ITGBL1: variants seen among roughly 807,000 people sequenced by gnomAD.
ITGBL1 encodes integrin beta-like protein 1.
Under a neutral mutation model 68.5 loss-of-function variants are expected in ITGBL1, and 51 were observed. The observed-to-expected ratio is 0.74, with a 90% CI of 0.59 to 0.94. The LOEUF is 0.94. Among genes scored for constraint, ITGBL1 ranks in the 40% least tolerant of loss-of-function variants. ITGBL1 has a pLI of 0.00. For synonymous variants in ITGBL1, 209 were observed against 227.3 expected, an observed-to-expected ratio of 0.92 and a Z score of 0.72; for missense variants, 649 against 647.4, an observed-to-expected ratio of 1.00 and a Z score of -0.03.
intron 7 of ITGBL1, among the ~76,000 whole-genome samples, chr13:101,681,356 C>T (rs900044844): frequency 6.6e-6 from 1 of 152,128 alleles, no homozygotes; most frequent in East Asian, 1.9e-4. Flanking sequence ...ATTTTTAACA[C>T]TAGCAGTTCA....
intron 5 of ITGBL1, among the ~76,000 whole-genome samples, chr13:101,581,312 T>A (rs542917150): frequency 6.6e-6 from 1 of 152,160 alleles, no homozygotes; most frequent in Non-Finnish European, 1.5e-5. Context: ...AACTCATTTA[T>A]CCTATTATGA....
At position 101,692,683 on chromosome 13, in the gene ITGBL1, G is replaced by A. The variant is rs749949431; in HGVS notation, c.1114G>A (p.Asp372Asn). ...TGATGATCGCCGCTGTGAAGACCTC[G>A]ATGGTGTGGTCTGTGGAGGTAGTAA... ...ECDDRRCEDL[D>N]GVVCGGHGTC... is the part of the protein sequence containing the mutation. The change falls in exon 8 of 11, where the codon GAT becomes AAT. Residue 372 changes from aspartate (D) to asparagine (N), a missense_variant. Physicochemically the swap from Asp to Asn is conservative, Grantham distance 23. Transcript: ENST00000376180. The A allele has an allele frequency of 7.6e-5, 123 of 1,611,574 alleles. No individual in the cohort carries two copies. The highest frequency in any genetic ancestry group is 1.7e-4 in the Middle Eastern group (1 of 6,050).
intron 7 of ITGBL1, among the ~76,000 whole-genome samples, chr13:101,691,103 G>A (rs1017392603): frequency 1.3e-5 from 2 of 152,120 alleles, no homozygotes; most frequent in Non-Finnish European, 2.9e-5. Flanking sequence ...GCCCACAGAC[G>A]TTGTGCCTTT....
At chr13:101,494,990 A>T (rs968861540) in intron 2 of ITGBL1, among the ~76,000 whole-genome samples, 1 of 152,170 alleles carries the variant, frequency 6.6e-6, no homozygotes, top group Non-Finnish European at 1.5e-5. Flanking sequence ...AGTGATGGGG[A>T]TTATTTCACA....
At chr13:101,523,589 A>C (rs1331856218) in intron 2 of ITGBL1, among the ~76,000 whole-genome samples, 1 of 152,212 alleles carries the variant, frequency 6.6e-6, no homozygotes, top group East Asian at 1.9e-4. Flanking sequence ...ACTTGTTATT[A>C]GAGCAGATGA....
At chr13:101,500,240 A>G (rs1434413953) in intron 2 of ITGBL1, among the ~76,000 whole-genome samples, 1 of 152,204 alleles carries the variant, frequency 6.6e-6, no homozygotes, top group African/African-American at 2.4e-5. Context: ...GTATCTCTTT[A>G]TAAATTGTTT....
intron 7 of ITGBL1, among the ~76,000 whole-genome samples, chr13:101,599,738 A>G (rs372264695): frequency 3.3e-5 from 5 of 151,916 alleles, no homozygotes; most frequent in South Asian, 2.1e-4. Flanking sequence ...TCAAAGATCA[A>G]ATAGTTGTAG....
intron 7 of ITGBL1, among the ~76,000 whole-genome samples, chr13:101,638,267 T>C (rs1247158681): frequency 1.3e-5 from 2 of 152,170 alleles, no homozygotes; most frequent in Non-Finnish European, 2.9e-5. Flanking sequence ...CTGTAATTGC[T>C]ACATAGCATG....
intron 2 of ITGBL1, among the ~76,000 whole-genome samples, chr13:101,495,645 G>A (rs2048847255): frequency 6.6e-6 from 1 of 151,706 alleles, no homozygotes; most frequent in South Asian, 2.1e-4. Flanking sequence ...ATGATTTTTG[G>A]TACACTTCCA....
downstream of ITGBL1, chr13:101,717,285 C>T (rs988335974): frequency 6.6e-6 from 1 of 152,002 alleles, no homozygotes; most frequent in African/African-American, 2.4e-5. Context: ...ACAATGTTCT[C>T]ATAATGTAAT....
intron 2 of ITGBL1, among the ~76,000 whole-genome samples, chr13:101,464,820 G>T (rs1022309915): frequency 2.0e-5 from 3 of 152,108 alleles, no homozygotes; most frequent in Non-Finnish European, 2.9e-5. Context: ...TATACACAGG[G>T]ACATACATGC....
intron 7 of ITGBL1, among the ~76,000 whole-genome samples, chr13:101,626,795 A>G (rs2139399317): frequency 6.6e-6 from 1 of 152,332 alleles, no homozygotes; most frequent in East Asian, 1.9e-4. Flanking sequence ...TTATAAAGAA[A>G]TCATTTTAAA....
chr13:101,697,867 C>T (rs1473780532), intron 8 of ITGBL1, among the ~76,000 whole-genome samples: 3 of 152,162 alleles, frequency 2.0e-5, no homozygotes, highest in Non-Finnish European at 2.9e-5. Context: ...CAAAATAATA[C>T]ATCTGTCTCA....
intron 2 of ITGBL1, among the ~76,000 whole-genome samples, chr13:101,496,658 C>T (rs1476899770): frequency 1.3e-5 from 2 of 152,116 alleles, no homozygotes; most frequent in African/African-American, 4.8e-5. Context: ...CCTTACCATC[C>T]TCAACTTCCT....
At chr13:101,561,161 T>C (rs1344569434) in intron 2 of ITGBL1, among the ~76,000 whole-genome samples, 1 of 152,078 alleles carries the variant, frequency 6.6e-6, no homozygotes, top group African/African-American at 2.4e-5. Context: ...AAGTATGCCC[T>C]CGTGAATGAG....
rs1259837521 is a variant in ITGBL1, at chr13:101,452,871, C to T, written c.38C>T (p.Ala13Val). The T allele has an allele frequency of 2.5e-6, 4 of 1,614,162 alleles. No individual in the cohort carries two copies. Among genetic ancestry groups the T allele is most frequent in the Admixed American group, 1.7e-5 (1 of 60,032 alleles). Residue 13 changes from alanine to valine, a missense_variant, in exon 1 of 11, where the codon GCG becomes GTG. Coordinates refer to ENST00000376180, the MANE Select transcript of ITGBL1 (RefSeq NM_004791.3). The stretch of plus-strand genomic sequence containing the variant: ...GGCTTCAGGAACTTCTTGCTGCTGG[C>T]GTCCTCCCTTCTCTTTGCTGGGTTG... ...PPGFRNFLLL[A>V]SSLLFAGLSA...
rs1555361917 is a variant in ITGBL1 at position 101,606,174 on chromosome 13, T to TATATATATATATATATATATATA, written c.1015+7875_1015+7876insATATATATATATATATATATATA. On this transcript the variant is annotated intron_variant, in intron 7 of 10. Coordinates refer to ENST00000376180, the MANE Select transcript of ITGBL1 (RefSeq NM_004791.3). Reference sequence around the variant, plus strand: ...ACTTCAGTATATTCTATTAGGATTTTTATATATATATATATATAGCCTTAT... The same window carrying TATATATATATATATATATATATA: ...ACTTCAGTATATTCTATTAGGATTTTATATATATATATATATATATATATATATATATATATATATAGCCTTAT... Among the ~76,000 whole-genome samples the TATATATATATATATATATATATA allele has an allele frequency of 1.0e-3, 138 of 138,016 alleles. 1 individual carries two copies. The highest frequency in any genetic ancestry group is 3.6e-3 in the African/African-American group (133 of 37,202). The allele number at this position is 138,016 out of a possible 152,430, so 90.5% of individuals were successfully genotyped here. A position where few individuals can be genotyped will look rare whatever the true frequency, so the allele number is the denominator to read the frequency against.
chr13:101,659,886 C>A, intron 7 of ITGBL1, among the ~76,000 whole-genome samples: 1 of 152,168 alleles, frequency 6.6e-6, no homozygotes, highest in South Asian at 2.1e-4. Context: ...TGATGCAACT[C>A]AGCCTCAGAT....
rs774450770 is a variant in ITGBL1 at position 101,579,274 on chromosome 13, A to G, written c.587-13A>G. The G allele has an allele frequency of 6.2e-7, 1 of 1,611,072 alleles. No homozygotes were observed. The highest frequency in any genetic ancestry group is 8.5e-7 in the Non-Finnish European group (1 of 1,178,128). On this transcript the variant is annotated splice_polypyrimidine_tract_variant and intron_variant, in intron 4 of 10. Coordinates refer to ENST00000376180, the MANE Select transcript of ITGBL1 (RefSeq NM_004791.3). The stretch of plus-strand genomic sequence containing the variant: ...CTTTTTTCCTCACTGTATAAAATTC[A>G]TTTTGGGTAAAGGCCATGGGAAGTG...
Sources: allele counts gnomAD v4.1 joint callset (sites outside exome capture counted in the v4.1 genomes callset), GRCh38; gene constraint gnomAD v4.1.1; transcripts MANE v1.5; gene names NCBI Gene and HGNC (gene_info 2026-07-23, HGNC 2026-07-21).